HCN1: variants seen among roughly 807,000 people sequenced by gnomAD.
The protein encoded by HCN1 is potassium/sodium hyperpolarization-activated cyclic nucleotide-gated channel 1.
In HCN1, 13 loss-of-function variants were observed where a neutral mutation model predicts 78.9. The ratio of observed to expected loss-of-function variants is 0.16; its 90% CI spans 0.11 to 0.26. The LOEUF is 0.26. HCN1 is among the 10% of genes least tolerant of loss of function. The pLI, the probability that HCN1 is intolerant of heterozygous loss-of-function variation, is 1.00. For missense variants in HCN1, 810 were observed against 1,154.3 expected, an observed-to-expected ratio of 0.70 and a Z score of 4.32; for synonymous variants, 552 against 455.5, an observed-to-expected ratio of 1.21 and a Z score of -2.70.
At chr5:45,371,809 T>C (rs1322541860) in intron 4 of HCN1, among the ~76,000 whole-genome samples, 1 of 137,254 alleles carries the variant, frequency 7.3e-6, no homozygotes, top group African/African-American at 2.7e-5. Context: ...ACACAAGGTG[T>C]ATATGTGCTG....
At chr5:45,664,729 C>T (rs1745999076) in intron 1 of HCN1, among the ~76,000 whole-genome samples, 1 of 151,900 alleles carries the variant, frequency 6.6e-6, no homozygotes, top group Non-Finnish European at 1.5e-5. Context: ...CAGAGAAATG[C>T]AAATCAAAAC....
chr5:45,399,002 G>A (rs1470624675), intron 3 of HCN1, among the ~76,000 whole-genome samples: 1 of 152,196 alleles, frequency 6.6e-6, no homozygotes, highest in Non-Finnish European at 1.5e-5. Context: ...CTGCCTGAGT[G>A]CCATGGGTAT....
At chr5:45,607,045 G>T (rs1184301392) in intron 2 of HCN1, among the ~76,000 whole-genome samples, 1 of 151,666 alleles carries the variant, frequency 6.6e-6, no homozygotes, top group Admixed American at 6.6e-5. Context: ...TTAGGAGTAG[G>T]TATTAAAATT....
intron 5 of HCN1, among the ~76,000 whole-genome samples, chr5:45,322,172 T>C (rs531227810): frequency 2.0e-5 from 3 of 151,848 alleles, no homozygotes; most frequent in Non-Finnish European, 4.4e-5. Context: ...TATACAACAA[T>C]TAATTTAAAA....
At chr5:45,297,176 AAG>A in intron 6 of HCN1, among the ~76,000 whole-genome samples, 1 of 152,108 alleles carries the variant, frequency 6.6e-6, no homozygotes, top group East Asian at 1.9e-4. Context: ...ATGGGAAACG[AAG>A]AGATGGGCTG....
rs143223238 is a variant in HCN1 at position 45,298,982 on chromosome 5, C to T, written c.1618+4617G>A. 2.1e-4 allele frequency among the ~76,000 whole-genome samples: 32 copies of T among 152,060 alleles called. No individual in the cohort carries two copies. In the East Asian group the frequency reaches 5.1e-3, roughly 24 times the overall value. Reference sequence around the variant, plus strand: ...GTTTTTCTTCCCAAAACAATTACTCCGATCTAATCTTGAGAAAAGCATCAG... The same window carrying T: ...GTTTTTCTTCCCAAAACAATTACTCTGATCTAATCTTGAGAAAAGCATCAG... On this transcript the variant is annotated intron_variant, in intron 6 of 7. Coordinates refer to ENST00000303230, the MANE Select transcript of HCN1 (RefSeq NM_021072.4).
chr5:45,445,920 A>G (rs1399567736), intron 3 of HCN1, among the ~76,000 whole-genome samples: 19 of 152,214 alleles, frequency 1.2e-4, no homozygotes, highest in Admixed American at 1.0e-3. Flanking sequence ...AAAGTAGATA[A>G]AACCACAAAG....
intron 6 of HCN1, among the ~76,000 whole-genome samples, chr5:45,296,323 C>A (rs188655434): frequency 2.6e-3 from 398 of 151,640 alleles, no homozygotes; most frequent in Non-Finnish European, 4.4e-3. Flanking sequence ...TAGAAACCAA[C>A]AATAGAAAGA....
chr5:45,278,376 T>C (rs541180979), intron 6 of HCN1, among the ~76,000 whole-genome samples: 112 of 152,218 alleles, frequency 7.4e-4, no homozygotes, highest in African/African-American at 2.5e-3. Context: ...CGACTGGGAA[T>C]CAATCTTTGT....
chr5:45,343,747 T>C (rs1369091220), intron 5 of HCN1, among the ~76,000 whole-genome samples: 1 of 152,004 alleles, frequency 6.6e-6, no homozygotes, highest in South Asian at 2.1e-4. Flanking sequence ...CTACAGTTTA[T>C]AGAATTGAAA....
At chr5:45,653,039 T>C (rs1219827077) in intron 1 of HCN1, among the ~76,000 whole-genome samples, 2 of 152,062 alleles carry the variant, frequency 1.3e-5, no homozygotes, top group African/African-American at 4.8e-5. Context: ...AAATGAAATG[T>C]AACCACTCAA....
At chr5:45,494,427 G>A (rs1408913036) in intron 2 of HCN1, among the ~76,000 whole-genome samples, 18 of 151,974 alleles carry the variant, frequency 1.2e-4, no homozygotes, top group East Asian at 3.9e-4. Flanking sequence ...CATGTCCTTC[G>A]CCCACTTTTT....
intron 4 of HCN1, among the ~76,000 whole-genome samples, chr5:45,379,010 C>A (rs1747749019): frequency 6.6e-6 from 1 of 152,096 alleles, no homozygotes; most frequent in Admixed American, 6.6e-5. Context: ...TTTTCTTAAT[C>A]CAGTCTATCA....
At chr5:45,449,563 T>A (rs1740868061) in intron 3 of HCN1, among the ~76,000 whole-genome samples, 1 of 152,164 alleles carries the variant, frequency 6.6e-6, no homozygotes, top group South Asian at 2.1e-4. Context: ...TTACTACTTT[T>A]GGACCTTCTA....
chr5:45,436,473 A>G (rs550085097), intron 3 of HCN1, among the ~76,000 whole-genome samples: 1 of 152,238 alleles, frequency 6.6e-6, no homozygotes, highest in South Asian at 2.1e-4. Context: ...GTCACTGTAC[A>G]GAGGTCACCA....
intron 2 of HCN1, among the ~76,000 whole-genome samples, chr5:45,563,320 C>T (rs545583568): frequency 1.4e-4 from 21 of 151,946 alleles, no homozygotes; most frequent in African/African-American, 4.6e-4. Flanking sequence ...GGTGTGGTGG[C>T]GGGTGCCTGT....
chr5:45,568,940 C>T (rs1325147808), intron 2 of HCN1, among the ~76,000 whole-genome samples: 3 of 152,006 alleles, frequency 2.0e-5, no homozygotes, highest in African/African-American at 4.8e-5. Flanking sequence ...GCTCAGAAAC[C>T]GAAATTCCCC....
At chr5:45,353,803 G>T (rs777735789) in intron 4 of HCN1, among the ~76,000 whole-genome samples, 1 of 151,794 alleles carries the variant, frequency 6.6e-6, no homozygotes, top group Non-Finnish European at 1.5e-5. Context: ...ACTATGGCAG[G>T]CTTCCAATTT....
intron 5 of HCN1, among the ~76,000 whole-genome samples, chr5:45,352,227 G>A (rs1478661906): frequency 6.6e-6 from 1 of 152,114 alleles, no homozygotes; most frequent in African/African-American, 2.4e-5. Context: ...CCTTTGTAGG[G>A]ACATGGATGA....
Sources: gnomAD v4.1 joint callset for allele counts (sites outside exome capture counted in the v4.1 genomes callset) on GRCh38, gnomAD v4.1.1 for gene constraint, MANE v1.5 for transcripts, NCBI Gene and HGNC (gene_info 2026-07-23, HGNC 2026-07-21) for gene names.